Variants in CRHR1 observed in about 807,000 individuals in gnomAD.
CRHR1 encodes the protein corticotropin releasing hormone receptor 1.
CRHR1 carries 28 observed loss-of-function variants against 56.0 expected under a neutral mutation model. That is an observed-to-expected ratio of 0.50 (90% CI 0.37 to 0.69). CRHR1 has a LOEUF of 0.69. Ranked by LOEUF, CRHR1 falls within the 30% of genes least tolerant of loss-of-function variation. The pLI, the probability that CRHR1 is intolerant of heterozygous loss-of-function variation, is 0.00. For synonymous variants in CRHR1, 195 were observed against 216.5 expected (o/e 0.90, Z 0.87); for missense variants, 376 against 548.0 (o/e 0.69, Z 3.13).
chr17:45,793,582 C>G (rs1312458862), intron 1 of CRHR1, among the ~76,000 whole-genome samples: 2 of 152,218 alleles, frequency 1.3e-5, no homozygotes, highest in African/African-American at 4.8e-5. Flanking sequence ...GCATCCCACC[C>G]CTCCAGCTCC....
Position 45,834,900 on chromosome 17 carries a change from C to A in CRHR1, c.*136C>A. 1 of 1,182,828 alleles carries A rather than the reference C, an allele frequency of 8.5e-7. No individual in the cohort carries two copies. Among genetic ancestry groups the A allele is most frequent in the Non-Finnish European group, 1.2e-6 (1 of 844,890 alleles). The allele number at this position is 1,182,828 out of a possible 1,614,324, so 73.3% of individuals were successfully genotyped here. ...CCCAGGAGCAGCTGGCACTGACAGC[C>A]TGGGGGGGCCGCTCTCCCCCTGCAG... On this transcript the variant is annotated 3_prime_UTR_variant, in exon 13 of 13. Transcript: ENST00000314537.
chr17:45,784,379 C>T lies in CRHR1; in HGVS notation c.-166C>T. 2.3e-6 allele frequency: 1 copy of T among 428,146 alleles called. No individual in the cohort carries two copies. Among genetic ancestry groups the T allele is most frequent in the Non-Finnish European group, 3.7e-6 (1 of 267,456 alleles). 26.5% of individuals were successfully genotyped at this position (428,146 alleles called of 1,614,324 possible). On this transcript the variant is annotated 5_prime_UTR_variant, in exon 1 of 13. Coordinates refer to ENST00000314537, the MANE Select transcript of CRHR1 (RefSeq NM_004382.5). The surrounding 1 kb of genome is among the most constrained non-coding windows in gnomAD (Gnocchi z 4.2). The stretch of plus-strand genomic sequence containing the variant: ...GAGCGAGAGCCGGGCCGGGCCGGGC[C>T]GGGCCGCGGGGCCGGGAAGCGCCGA...
rs1392897166 is a variant in CRHR1 at position 45,784,848 on chromosome 17, C to G, written c.33+271C>G. Among the ~76,000 whole-genome samples, 7 of 152,180 alleles carry G rather than the reference C, an allele frequency of 4.6e-5. No homozygotes were observed. The highest frequency in any genetic ancestry group is 1.0e-4 in the Non-Finnish European group (7 of 68,016). Reference sequence around the variant, plus strand: ...GTCCGCCCACCCGGGTAGCCGGCTCCGCGCCAAGAATCGCTCTAGGCTCTC... The same window carrying G: ...GTCCGCCCACCCGGGTAGCCGGCTCGGCGCCAAGAATCGCTCTAGGCTCTC... On this transcript the variant is annotated intron_variant, in intron 1 of 12. Transcript: ENST00000314537. The surrounding 1 kb of genome is among the most constrained non-coding windows in gnomAD (Gnocchi z 4.2).
At chr17:45,832,506 T>G (rs997639569) in intron 8 of CRHR1, among the ~76,000 whole-genome samples, 4 of 152,202 alleles carry the variant, frequency 2.6e-5, no homozygotes, top group Non-Finnish European at 5.9e-5. Flanking sequence ...AATTTCTGGC[T>G]TATGAGATCT....
intron 12 of CRHR1, 39 bp downstream of exon 12, chr17:45,834,087 T>A: frequency 6.2e-7 from 1 of 1,606,318 alleles, no homozygotes; most frequent in East Asian, 2.2e-5. Context: ...TTCAGGGCTG[T>A]GAGGCCTGTT....
In CRHR1 at chr17:45,791,425, C is replaced by T. The variant is rs183563351; in HGVS notation, c.33+6848C>T. On this transcript the variant is annotated intron_variant, in intron 1 of 12. Transcript: ENST00000314537. ...CTCAGGGTGGATGATTTCACTCTTA[C>T]GGAAGATGCGGAGACAGACAGACAG... Among the ~76,000 whole-genome samples the T allele has an allele frequency of 2.8e-4, 42 of 152,214 alleles. 2 individuals carry two copies. The highest frequency in any genetic ancestry group is 2.3e-3 in the Admixed American group (35 of 15,300).
At chr17:45,797,569 C>T (rs537663340) in intron 1 of CRHR1, among the ~76,000 whole-genome samples, 3 of 152,184 alleles carry the variant, frequency 2.0e-5, no homozygotes, top group South Asian at 2.1e-4. Flanking sequence ...TGAGCCACCA[C>T]GCCCGGCCCC....
chr17:45,785,423 G>A (rs2061318782), intron 1 of CRHR1, among the ~76,000 whole-genome samples: 1 of 152,272 alleles, frequency 6.6e-6, no homozygotes, highest in African/African-American at 2.4e-5. Flanking sequence ...TTTCCAGAGC[G>A]TTTTGGTTTT....
rs1190574500 is a variant in CRHR1 at position 45,835,060 on chromosome 17, C to G, written c.*296C>G. 1 of 454,406 alleles carries G rather than the reference C, an allele frequency of 2.2e-6. No individual in the cohort carries two copies. The highest frequency in any genetic ancestry group is 3.6e-5 in the East Asian group (1 of 28,014). The allele number at this position is 454,406 out of a possible 1,614,324, so 28.1% of individuals were successfully genotyped here. ...ATTGAAATGGGGCGCTGGACACCTA[C>G]AGCAGCACGCATGTCCCTCCAAGGC... is the stretch of plus-strand genomic sequence containing the variant. On this transcript the variant is annotated 3_prime_UTR_variant, in exon 13 of 13. Transcript: ENST00000314537.
intron 2 of CRHR1, among the ~76,000 whole-genome samples, chr17:45,814,631 C>G (rs2061890599): frequency 6.6e-6 from 1 of 152,128 alleles, no homozygotes; most frequent in Non-Finnish European, 1.5e-5. Flanking sequence ...ATGCCCCCAG[C>G]TCTCCCCCCA....
At chr17:45,793,781 G>A (rs12944712) in intron 1 of CRHR1, among the ~76,000 whole-genome samples, 53,374 of 152,116 alleles carry the variant, frequency 0.35, 10,268 homozygotes, top group Non-Finnish European at 0.45. Context: ...AGGAGACCTG[G>A]GGTTGGAGCT....
At chr17:45,831,740 G>C (rs554029122) in intron 8 of CRHR1, among the ~76,000 whole-genome samples, 1 of 152,334 alleles carries the variant, frequency 6.6e-6, no homozygotes, top group Non-Finnish European at 1.5e-5. Context: ...GGTGGACATG[G>C]ATGGCAGGGG....
At chr17:45,823,635 CGGAGCACAGGCTCT>C (rs2062094374) in intron 4 of CRHR1, among the ~76,000 whole-genome samples, 1 of 152,062 alleles carries the variant, frequency 6.6e-6, no homozygotes, top group Non-Finnish European at 1.5e-5. Flanking sequence ...GCCCAGGCTC[CGGAGCACAGGCTCT>C]GCAGCCCAGG....
chr17:45,786,678 C>T (rs575127084), intron 1 of CRHR1, among the ~76,000 whole-genome samples: 1 of 136,092 alleles, frequency 7.3e-6, no homozygotes, highest in African/African-American at 2.7e-5. Context: ...CCCACTCTGT[C>T]GCCCAGGTTG....
intron 1 of CRHR1, among the ~76,000 whole-genome samples, chr17:45,806,306 G>A (rs561476972): frequency 6.6e-6 from 1 of 152,320 alleles, no homozygotes; most frequent in South Asian, 2.1e-4. Context: ...AAAGGGCAAA[G>A]GTCTGCCCTA....
Position 45,831,153 on chromosome 17 carries a change from T to G in CRHR1, c.770+213T>G, listed in dbSNP as rs537998075. 2.3e-4 allele frequency among the ~76,000 whole-genome samples: 35 copies of G among 152,306 alleles called. No individual in the cohort carries two copies. The South Asian group carries it at 2.5e-3, about 11-fold the overall frequency. ...GCTGGACAAGCAGGACCCAGCCTCCTTTATCTGCCTTGAGCTTACACAGGA... is the reference window on the plus strand; with the variant it reads ...GCTGGACAAGCAGGACCCAGCCTCCGTTATCTGCCTTGAGCTTACACAGGA... On this transcript the variant is annotated intron_variant, in intron 8 of 12. Transcript: ENST00000314537.
intron 4 of CRHR1, among the ~76,000 whole-genome samples, chr17:45,823,012 C>A (rs189920370): frequency 7.0e-6 from 1 of 143,270 alleles, no homozygotes; most frequent in Admixed American, 7.0e-5. Flanking sequence ...AGCATGGTGG[C>A]GCATCCCTGT....
chr17:45,795,088 G>C (rs1465685789), intron 1 of CRHR1, among the ~76,000 whole-genome samples: 1 of 152,132 alleles, frequency 6.6e-6, no homozygotes, highest in Non-Finnish European at 1.5e-5. Context: ...CCAGGACAGA[G>C]TGAGTCAGGG....
chr17:45,788,781 T>C (rs1185605065), intron 1 of CRHR1, among the ~76,000 whole-genome samples: 1 of 152,226 alleles, frequency 6.6e-6, no homozygotes, highest in Admixed American at 6.5e-5. Context: ...AGCCTCACAA[T>C]CCGTTGCACA....
Sources: allele counts gnomAD v4.1 joint callset (sites outside exome capture counted in the v4.1 genomes callset), GRCh38; gene constraint gnomAD v4.1.1; non-coding constraint Gnocchi (gnomAD v3.1); transcripts MANE v1.5; gene names NCBI Gene and HGNC (gene_info 2026-07-23, HGNC 2026-07-21).